The following ULK2 variants were observed in gnomAD, a reference collection of about 807,000 sequenced individuals.
ULK2 encodes the protein serine/threonine-protein kinase ULK2.
A neutral mutation model predicts 127.5 loss-of-function variants in ULK2; 76 were observed. The observed-to-expected ratio is 0.60, with a 90% CI of 0.50 to 0.72. The LOEUF (loss-of-function observed/expected upper bound fraction) is 0.72, where lower values mean the gene tolerates loss of function less well. Ranked by LOEUF, ULK2 falls within the 30% of genes least tolerant of loss-of-function variation. The probability of loss-of-function intolerance (pLI) is 0.00; values close to 1 mark genes in which losing one functional copy is unlikely to be tolerated. For missense variants in ULK2, 1,144 were observed against 1,295.9 expected (o/e 0.88, Z 1.80); for synonymous variants, 452 against 461.9 (o/e 0.98, Z 0.28).
chr17:19,859,369 A>G (rs2042196678), intron 3 of ULK2, among the ~76,000 whole-genome samples: 1 of 151,864 alleles, frequency 6.6e-6, no homozygotes, highest in Non-Finnish European at 1.5e-5. Context: ...CAAAAACAAA[A>G]TTATCCAGGC....
intron 12 of ULK2, among the ~76,000 whole-genome samples, chr17:19,817,138 G>T (rs1331070359): frequency 6.6e-6 from 1 of 152,118 alleles, no homozygotes; most frequent in Non-Finnish European, 1.5e-5. Context: ...TTCCAAAAAT[G>T]ATACTTAAAA....
rs867508187 is a variant in ULK2 at position 19,776,334 on chromosome 17, G to A, written c.*15C>T. On this transcript the variant is annotated 3_prime_UTR_variant, in exon 27 of 27. Coordinates refer to ENST00000395544, the MANE Select transcript of ULK2 (RefSeq NM_014683.4). The stretch of plus-strand genomic sequence containing the variant: ...CTCACGTTCCCACCACCGGTCCACG[G>A]GATGAGCCTGCTGCTCACACGGTTG... The A allele has an allele frequency of 4.4e-6, 7 of 1,598,186 alleles. No homozygotes were observed. The highest frequency in any genetic ancestry group is 1.7e-4 in the Middle Eastern group (1 of 6,042).
At chr17:19,817,276 T>C (rs157402) in intron 12 of ULK2, among the ~76,000 whole-genome samples, 146,303 of 152,278 alleles carry the variant, frequency 0.96, 70,471 homozygotes, top group African/African-American at 0.99. Flanking sequence ...CTTAATAACT[T>C]TCCACTTAAT....
chr17:19,799,624 A>G, intron 16 of ULK2, 49 bp from the exon 17 acceptor site: 2 of 1,486,062 alleles, frequency 1.3e-6, no homozygotes, highest in Non-Finnish European at 1.8e-6. Context: ...AAAATGATCA[A>G]AAACCAATAA....
rs1257455693 is a variant in ULK2, at chr17:19,782,045, C to T, written c.2483G>A (p.Arg828His). Residue 828 changes from arginine to histidine, a missense_variant, in exon 23 of 27, where the codon CGC becomes CAC. Transcript: ENST00000395544. ...GAACATCAGCATCACATTCAGATGG[C>T]GTAAGGTGTCTGTGTGTTCCCGCTG... ...LMEREHTDTL[R>H]HLNVMLMFTE... 3 of 1,613,778 alleles carry T rather than the reference C, an allele frequency of 1.9e-6. No individual in the cohort carries two copies. The highest frequency in any genetic ancestry group is 2.2e-5 in the East Asian group (1 of 44,884).
At chr17:19,827,586 A>G (rs368766540) in intron 10 of ULK2, among the ~76,000 whole-genome samples, 3 of 152,198 alleles carry the variant, frequency 2.0e-5, no homozygotes, top group African/African-American at 7.2e-5. Context: ...CTCTGGTCTG[A>G]CATTTTCAAG....
At chr17:19,819,704 G>C (rs1416885829) in intron 12 of ULK2, among the ~76,000 whole-genome samples, 2 of 152,078 alleles carry the variant, frequency 1.3e-5, no homozygotes, top group African/African-American at 4.8e-5. Context: ...GACCTTGCCA[G>C]CCGGCCATTG....
intron 15 of ULK2, 124 bp from the exon 16 acceptor site, chr17:19,802,046 G>C (rs2087412885): frequency 1.8e-6 from 2 of 1,089,498 alleles, no homozygotes. Flanking sequence ...CAGTCACATG[G>C]AACAATTATA....
chr17:19,851,438 G>A (rs1372368981), intron 3 of ULK2, among the ~76,000 whole-genome samples: 3 of 150,772 alleles, frequency 2.0e-5, no homozygotes, highest in East Asian at 3.9e-4. Flanking sequence ...TGGAGTTCAA[G>A]ACCCGCCTGG....
At chr17:19,849,502 T>C (rs557053513) in intron 4 of ULK2, 97 bp from the exon 5 acceptor site, 19 of 1,259,848 alleles carry the variant, frequency 1.5e-5, no homozygotes, top group Admixed American at 2.1e-5. Flanking sequence ...TTGTATATAA[T>C]GTCATGTAAA....
rs760692855 is a variant in ULK2, at chr17:19,777,618, A to T, written c.3015T>A (p.Ile1005=). ...TTTCAATATCTGCAGGGTCCTGTAG[A>T]ATCCTACTTAGGCCTTCCAAAAGAA... ...AALLLEGLSR[I]LQDPADIENV... is the part of the protein sequence containing the mutation. The change falls in exon 26 of 27, where the codon ATT becomes ATA. Residue 1005 remains isoleucine (I), a synonymous_variant. Transcript: ENST00000395544. The T allele has an allele frequency of 6.2e-7, 1 of 1,613,732 alleles. No individual in the cohort carries two copies. The highest frequency in any genetic ancestry group is 8.5e-7 in the Non-Finnish European group (1 of 1,179,942).
Position 19,797,695 on chromosome 17 carries a change from C to A in ULK2, c.1523-13G>T. The A allele has an allele frequency of 6.8e-7, 1 of 1,477,202 alleles. No individual in the cohort carries two copies. The highest frequency in any genetic ancestry group is 9.0e-7 in the Non-Finnish European group (1 of 1,112,930). The allele number at this position is 1,477,202 out of a possible 1,614,324, so 91.5% of individuals were successfully genotyped here. A position where few individuals can be genotyped will look rare whatever the true frequency, so the allele number is the denominator to read the frequency against. On this transcript the variant is annotated splice_polypyrimidine_tract_variant and intron_variant, in intron 17 of 26. Coordinates refer to ENST00000395544, the MANE Select transcript of ULK2 (RefSeq NM_014683.4). ...GGCACTGGAGAACCTAACAAGAAAA[C>A]AAATGTAACATTAACCTGAAGTGAA...
At chr17:19,852,096 G>A (rs192570244) in intron 3 of ULK2, among the ~76,000 whole-genome samples, 1 of 148,506 alleles carries the variant, frequency 6.7e-6, no homozygotes, top group Non-Finnish European at 1.5e-5. Context: ...AGTGTGGCAC[G>A]CACCTGTAGT....
rs774515929 is a variant in ULK2 at position 19,867,317 on chromosome 17, C to T, written c.90+11G>A. On this transcript the variant is annotated intron_variant, in intron 1 of 26. Coordinates refer to ENST00000395544, the MANE Select transcript of ULK2 (RefSeq NM_014683.4). The stretch of plus-strand genomic sequence containing the variant: ...CGCCCGGGGCCCGGCCTCGCCCCGG[C>T]CGGCGCTCACCTGGCGGTGCCGCCC... 2 of 1,571,052 alleles carry T rather than the reference C, an allele frequency of 1.3e-6. No individual in the cohort carries two copies. Among genetic ancestry groups the T allele is most frequent in the South Asian group, 1.2e-5 (1 of 86,232 alleles).
chr17:19,826,114 G>C, intron 11 of ULK2, 25 bp downstream of exon 11: 1 of 1,386,688 alleles, frequency 7.2e-7, no homozygotes, highest in Non-Finnish European at 9.6e-7. Flanking sequence ...TTCTTTAAGT[G>C]AAAATACAAA....
intron 6 of ULK2, among the ~76,000 whole-genome samples, chr17:19,846,058 A>G (rs2041873538): frequency 6.6e-6 from 1 of 152,204 alleles, no homozygotes; most frequent in Admixed American, 6.5e-5. Flanking sequence ...CCTGGGAGGC[A>G]GAGGTTGTAG....
chr17:19,825,760 G>A (rs2041273674), intron 11 of ULK2, among the ~76,000 whole-genome samples: 1 of 151,582 alleles, frequency 6.6e-6, no homozygotes, highest in African/African-American at 2.4e-5. Flanking sequence ...GCTGAGGCGG[G>A]TGGATCACCT....
chr17:19,834,889 G>A (rs963237213), intron 10 of ULK2, among the ~76,000 whole-genome samples: 3 of 150,922 alleles, frequency 2.0e-5, no homozygotes, highest in African/African-American at 7.3e-5. Flanking sequence ...AGGCCTGGGT[G>A]CAGAGTGAGA....
Position 19,788,580 on chromosome 17 carries a change from C to T in ULK2, c.2102-2494G>A, listed in dbSNP as rs557731073. Among the ~76,000 whole-genome samples the T allele has an allele frequency of 2.0e-5, 3 of 152,076 alleles. No individual in the cohort carries two copies. The East Asian group carries it at 5.8e-4, about 30-fold the overall frequency. On this transcript the variant is annotated intron_variant, in intron 20 of 26. Transcript: ENST00000395544. ...CCAATAATACTACCCAGGGAGCATG[C>T]TTGGGCCTTGGGTGAGACTCTGAGA...
Sources: gnomAD v4.1 joint callset for allele counts (sites outside exome capture counted in the v4.1 genomes callset) on GRCh38, gnomAD v4.1.1 for gene constraint, MANE v1.5 for transcripts, NCBI Gene and HGNC (gene_info 2026-07-23, HGNC 2026-07-21) for gene names.